CTNNA3: variants seen among roughly 807,000 people sequenced by gnomAD.
CTNNA3 encodes catenin alpha 3, also known as catenin alpha-3.
CTNNA3 carries 76 observed loss-of-function variants against 95.7 expected under a neutral mutation model. That is an observed-to-expected ratio of 0.79 (90% CI 0.66 to 0.96). The LOEUF (loss-of-function observed/expected upper bound fraction) is 0.96, where lower values mean the gene tolerates loss of function less well. CTNNA3 is among the 40% of genes least tolerant of loss of function. CTNNA3 has a pLI of 0.00. For missense variants in CTNNA3, 1,191 were observed against 1,089.8 expected, an observed-to-expected ratio of 1.09 and a Z score of -1.31; for synonymous variants, 431 against 374.4, an observed-to-expected ratio of 1.15 and a Z score of -1.74.
chr10:66,790,066 G>C (rs540387066), intron 7 of CTNNA3, among the ~76,000 whole-genome samples: 1 of 152,228 alleles, frequency 6.6e-6, no homozygotes, highest in South Asian at 2.1e-4. Flanking sequence ...TCAATTAAGA[G>C]GTGTCTCAAT....
chr10:66,730,257 A>G (rs1055518072), intron 9 of CTNNA3, among the ~76,000 whole-genome samples: 1 of 152,204 alleles, frequency 6.6e-6, no homozygotes, highest in Non-Finnish European at 1.5e-5. Context: ...ACACCATGGA[A>G]TACTATGCAG....
At chr10:66,186,949 T>C (rs930676054) in intron 13 of CTNNA3, among the ~76,000 whole-genome samples, 1 of 152,182 alleles carries the variant, frequency 6.6e-6, no homozygotes, top group Non-Finnish European at 1.5e-5. Flanking sequence ...CATGAAGTTT[T>C]GTGATGTTTT....
intron 7 of CTNNA3, among the ~76,000 whole-genome samples, chr10:67,063,387 C>G (rs575805635): frequency 6.6e-6 from 1 of 152,088 alleles, no homozygotes; most frequent in East Asian, 1.9e-4. Flanking sequence ...AAAATATATG[C>G]CTTTAAAAAG....
At chr10:67,717,330 CA>C (rs1841149904) in intron 1 of CTNNA3, among the ~76,000 whole-genome samples, 1 of 152,116 alleles carries the variant, frequency 6.6e-6, no homozygotes, top group Admixed American at 6.6e-5. Context: ...AATTAGGTCT[CA>C]TTTGTCTATT....
intron 17 of CTNNA3, among the ~76,000 whole-genome samples, chr10:65,939,359 T>A (rs376818022): frequency 6.6e-4 from 101 of 152,292 alleles, no homozygotes; most frequent in African/African-American, 2.2e-3. Flanking sequence ...CCCAACCAGT[T>A]CTACAATTTT....
intron 7 of CTNNA3, among the ~76,000 whole-genome samples, chr10:67,084,477 TA>T (rs1208463686): frequency 1.3e-5 from 2 of 151,906 alleles, no homozygotes; most frequent in Non-Finnish European, 2.9e-5. Flanking sequence ...AAATATTGTT[TA>T]TAATTCTACT....
chr10:66,370,581 T>A (rs1429293275), intron 12 of CTNNA3, among the ~76,000 whole-genome samples: 2 of 152,180 alleles, frequency 1.3e-5, no homozygotes, highest in Non-Finnish European at 2.9e-5. Context: ...AGCTTTCAGA[T>A]CTTGAGCTCC....
At chr10:66,695,919 G>GT (rs559365392) in intron 9 of CTNNA3, among the ~76,000 whole-genome samples, 3 of 142,090 alleles carry the variant, frequency 2.1e-5, no homozygotes, top group Admixed American at 1.4e-4. Flanking sequence ...AGACGTAAGG[G>GT]GGGGGGGCAA....
chr10:66,314,051 T>C (rs79199097), intron 12 of CTNNA3, among the ~76,000 whole-genome samples: 8,010 of 152,156 alleles, frequency 0.053, 663 homozygotes, highest in African/African-American at 0.18. Flanking sequence ...ATAAATATAC[T>C]CATACATACA....
At chr10:67,747,729 A>C (rs1841381260) in intron 1 of CTNNA3, among the ~76,000 whole-genome samples, 1 of 152,230 alleles carries the variant, frequency 6.6e-6, no homozygotes, top group Non-Finnish European at 1.5e-5. Context: ...ACACCTCTCC[A>C]GCAAGGGGAC....
chr10:67,419,731 A>C (rs1845680367), intron 5 of CTNNA3, among the ~76,000 whole-genome samples: 1 of 152,264 alleles, frequency 6.6e-6, no homozygotes, highest in Non-Finnish European at 1.5e-5. Flanking sequence ...GCCAATCTAG[A>C]TACTCAAGAG....
chr10:67,057,069 T>C (rs1037800382), intron 7 of CTNNA3, among the ~76,000 whole-genome samples: 2 of 152,216 alleles, frequency 1.3e-5, no homozygotes, highest in African/African-American at 4.8e-5. Context: ...GCTTCTTCTC[T>C]AGTCTAATTG....
At chr10:66,262,027 TCTCA>T (rs1462953788) in intron 13 of CTNNA3, among the ~76,000 whole-genome samples, 4 of 152,000 alleles carry the variant, frequency 2.6e-5, no homozygotes, top group African/African-American at 9.7e-5. Flanking sequence ...TAACCTCGTG[TCTCA>T]GCATATTGAC....
intron 14 of CTNNA3, among the ~76,000 whole-genome samples, chr10:66,088,485 TTGTGTGTGTGTGTGTG>T (rs3074377): frequency 3.2e-4 from 45 of 139,654 alleles, no homozygotes; most frequent in Non-Finnish European, 4.6e-4. Flanking sequence ...GGTAGGTGTT[TTGTGTGTGTGTGTGTG>T]TGTGTGTGTG....
chr10:67,447,290 A>C (rs570383717), intron 5 of CTNNA3, among the ~76,000 whole-genome samples: 46 of 152,208 alleles, frequency 3.0e-4, no homozygotes, highest in African/African-American at 9.9e-4. Flanking sequence ...CGTGTAATAG[A>C]TTGTATCTTC....
chr10:66,229,165 T>A (rs1211566755), intron 13 of CTNNA3, among the ~76,000 whole-genome samples: 1 of 152,210 alleles, frequency 6.6e-6, no homozygotes, highest in Non-Finnish European at 1.5e-5. Context: ...AATTTACTCC[T>A]GTTCTTTTGT....
intron 17 of CTNNA3, among the ~76,000 whole-genome samples, chr10:65,943,324 A>G (rs2077458686): frequency 6.6e-6 from 1 of 152,086 alleles, no homozygotes; most frequent in Admixed American, 6.6e-5. Flanking sequence ...TCAGCCTCCC[A>G]AAGTGTAGTT....
intron 7 of CTNNA3, among the ~76,000 whole-genome samples, chr10:66,940,937 C>T (rs534074433): frequency 6.6e-6 from 1 of 152,264 alleles, no homozygotes; most frequent in Middle Eastern, 3.4e-3. Context: ...TATATCGTAG[C>T]TCAAAGTGTT....
intron 13 of CTNNA3, among the ~76,000 whole-genome samples, chr10:66,229,490 G>A (rs2089478303): frequency 2.0e-5 from 3 of 152,044 alleles, no homozygotes; most frequent in Admixed American, 2.0e-4. Context: ...GCTTTCCTGA[G>A]TATAATATTC....
Sources: allele counts gnomAD v4.1 joint callset (sites outside exome capture counted in the v4.1 genomes callset), GRCh38; gene constraint gnomAD v4.1.1; transcripts MANE v1.5; gene names NCBI Gene and HGNC (gene_info 2026-07-23, HGNC 2026-07-21).